Variants in CSMD3 observed in about 807,000 individuals in gnomAD.
The protein encoded by CSMD3 is CUB and sushi domain-containing protein 3.
Under a neutral mutation model 435.2 loss-of-function variants are expected in CSMD3, and 177 were observed. The observed-to-expected ratio is 0.41, with a 90% CI of 0.36 to 0.46. The LOEUF is 0.46. CSMD3 is among the 20% of genes least tolerant of loss of function. CSMD3 has a pLI of 0.34. For missense variants in CSMD3, 4,265 were observed against 4,504.6 expected (o/e 0.95, Z 1.52); for synonymous variants, 1,656 against 1,520.5 (o/e 1.09, Z -2.07).
intron 3 of CSMD3, among the ~76,000 whole-genome samples, chr8:113,250,981 C>G (rs942295486): frequency 4.6e-5 from 7 of 151,556 alleles, no homozygotes; most frequent in Non-Finnish European, 7.4e-5. Flanking sequence ...AGAAGGGTTA[C>G]TAGGTAGAAA....
intron 5 of CSMD3, among the ~76,000 whole-genome samples, chr8:113,022,206 A>G (rs773182100): frequency 2.0e-5 from 3 of 152,170 alleles, no homozygotes; most frequent in Non-Finnish European, 2.9e-5. Flanking sequence ...CCATTAAACT[A>G]CTTAATTTAG....
intron 3 of CSMD3, among the ~76,000 whole-genome samples, chr8:113,248,659 A>G (rs1396613033): frequency 6.6e-6 from 1 of 151,078 alleles, no homozygotes; most frequent in African/African-American, 2.4e-5. Context: ...GTTCTGGGTC[A>G]GATCAAAGAA....
At chr8:112,482,255 A>C (rs1255849599) in intron 31 of CSMD3, among the ~76,000 whole-genome samples, 1 of 152,206 alleles carries the variant, frequency 6.6e-6, no homozygotes, top group Non-Finnish European at 1.5e-5. Context: ...ATGAACAGCT[A>C]TATCCTTGAA....
intron 64 of CSMD3, among the ~76,000 whole-genome samples, chr8:112,245,860 T>C (rs893904594): frequency 2.0e-5 from 3 of 152,148 alleles, no homozygotes; most frequent in African/African-American, 7.2e-5. Context: ...ATTTAATATA[T>C]TGCAGTTAGT....
chr8:113,393,000 T>C (rs371156359), intron 1 of CSMD3, among the ~76,000 whole-genome samples: 31 of 151,704 alleles, frequency 2.0e-4, no homozygotes, highest in Non-Finnish European at 3.2e-4. Flanking sequence ...TATATATATA[T>C]ACACATGTGT....
At chr8:112,445,473 T>C (rs1373433915) in intron 32 of CSMD3, among the ~76,000 whole-genome samples, 2 of 152,088 alleles carry the variant, frequency 1.3e-5, no homozygotes, top group African/African-American at 4.8e-5. Context: ...TGAGAAGGTG[T>C]GTCATGGTGA....
chr8:112,584,807 T>C (rs1830595276), intron 23 of CSMD3, among the ~76,000 whole-genome samples: 1 of 151,258 alleles, frequency 6.6e-6, no homozygotes, highest in Non-Finnish European at 1.5e-5. Context: ...TATGCTAGTT[T>C]AAATATAGGG....
intron 32 of CSMD3, among the ~76,000 whole-genome samples, chr8:112,470,628 G>A (rs1218290159): frequency 6.6e-6 from 1 of 151,664 alleles, no homozygotes; most frequent in Non-Finnish European, 1.5e-5. Flanking sequence ...TACTTCACAT[G>A]TATATATATG....
chr8:113,292,123 T>C (rs2093690564), intron 2 of CSMD3, among the ~76,000 whole-genome samples: 1 of 151,720 alleles, frequency 6.6e-6, no homozygotes, highest in South Asian at 2.1e-4. Flanking sequence ...AATTATTATT[T>C]CTTTCTTTAG....
At chr8:113,103,876 T>C (rs1292853259) in intron 4 of CSMD3, among the ~76,000 whole-genome samples, 2 of 152,250 alleles carry the variant, frequency 1.3e-5, no homozygotes, top group Non-Finnish European at 2.9e-5. Context: ...AAATGTACTT[T>C]TTCCTAAAAT....
At chr8:113,109,152 T>C (rs1005275193) in intron 4 of CSMD3, among the ~76,000 whole-genome samples, 1 of 152,210 alleles carries the variant, frequency 6.6e-6, no homozygotes, top group Non-Finnish European at 1.5e-5. Flanking sequence ...ACAGCAACGC[T>C]TGATTTATGA....
intron 12 of CSMD3, among the ~76,000 whole-genome samples, chr8:112,814,963 T>G (rs2079331683): frequency 9.4e-6 from 1 of 106,668 alleles, no homozygotes; most frequent in Non-Finnish European, 1.9e-5. Flanking sequence ...TATACAAATA[T>G]GCAACTTTCG....
At chr8:112,364,057 T>C (rs958207587) in intron 38 of CSMD3, among the ~76,000 whole-genome samples, 1 of 151,968 alleles carries the variant, frequency 6.6e-6, no homozygotes, top group African/African-American at 2.4e-5. Context: ...TTAGTGATTA[T>C]AAAAGTAAAC....
intron 4 of CSMD3, among the ~76,000 whole-genome samples, chr8:113,169,444 G>A (rs2092226158): frequency 6.6e-6 from 1 of 151,938 alleles, no homozygotes; most frequent in Non-Finnish European, 1.5e-5. Context: ...TCCCCTTATT[G>A]ATCAGTCCTT....
At chr8:112,355,100 G>A (rs1394772371) in intron 38 of CSMD3, among the ~76,000 whole-genome samples, 1 of 152,076 alleles carries the variant, frequency 6.6e-6, no homozygotes, top group Non-Finnish European at 1.5e-5. Flanking sequence ...CAAGCCATGG[G>A]GAAAGAACTC....
At chr8:112,868,013 CATT>C (rs1034316592) in intron 10 of CSMD3, among the ~76,000 whole-genome samples, 17 of 152,120 alleles carry the variant, frequency 1.1e-4, no homozygotes, top group African/African-American at 3.9e-4. Flanking sequence ...AGCCATACAT[CATT>C]ATTTTATTTC....
rs58550460 is a variant in CSMD3, at chr8:113,384,641, A to G, written c.178+52036T>C. On this transcript the variant is annotated intron_variant, in intron 1 of 70. Transcript: ENST00000297405. ...AGGGAATCACTCATCTCATTGTAGT[A>G]CATCTGAGAAGGCATAAGGAGGCTG... 7.5e-3 allele frequency among the ~76,000 whole-genome samples: 1,145 copies of G among 152,288 alleles called. 19 individuals are homozygous for G. Among genetic ancestry groups the G allele is most frequent in the African/African-American group, 0.026 (1,091 of 41,564 alleles).
chr8:112,743,277 T>C (rs1481349930), intron 13 of CSMD3, among the ~76,000 whole-genome samples: 1 of 151,550 alleles, frequency 6.6e-6, no homozygotes, highest in African/African-American at 2.4e-5. Context: ...ATGGCAGTAA[T>C]TAAGGCTTAC....
chr8:113,386,229 A>T (rs568414361), intron 1 of CSMD3, among the ~76,000 whole-genome samples: 2 of 152,026 alleles, frequency 1.3e-5, no homozygotes, highest in South Asian at 4.1e-4. Context: ...CAGAATCCAA[A>T]TATAGTGTTT....
Sources: allele counts gnomAD v4.1 joint callset (sites outside exome capture counted in the v4.1 genomes callset), GRCh38; gene constraint gnomAD v4.1.1; transcripts MANE v1.5; gene names NCBI Gene and HGNC (gene_info 2026-07-23, HGNC 2026-07-21).